Variants in ARL6IP5 observed in about 807,000 individuals in gnomAD.
The protein encoded by ARL6IP5 is ARF like GTPase 6 interacting protein 5.
Under a neutral mutation model 13.0 loss-of-function variants are expected in ARL6IP5, and 6 were observed. The ratio of observed to expected loss-of-function variants is 0.46; its 90% CI spans 0.25 to 0.91. ARL6IP5 has a LOEUF of 0.91. ARL6IP5 is among the 40% of genes least tolerant of loss of function. The probability of loss-of-function intolerance (pLI) is 0.17; values close to 1 mark genes in which losing one functional copy is unlikely to be tolerated. For missense variants in ARL6IP5, 208 were observed against 248.8 expected, an observed-to-expected ratio of 0.84 and a Z score of 1.10; for synonymous variants, 91 against 91.9, an observed-to-expected ratio of 0.99 and a Z score of 0.06.
At chr3:69,103,684 C>G (rs2092313131) in intron 2 of ARL6IP5, among the ~76,000 whole-genome samples, 1 of 152,140 alleles carries the variant, frequency 6.6e-6, no homozygotes, top group African/African-American at 2.4e-5. Flanking sequence ...GGAGCCTTCC[C>G]TCAGTTGTAA....
intron 1 of ARL6IP5, among the ~76,000 whole-genome samples, chr3:69,095,881 G>A (rs2092285339): frequency 1.3e-5 from 2 of 152,200 alleles, no homozygotes. Context: ...TGGGTGGCAT[G>A]TTTATGGAAA....
rs1363520473 is a variant in ARL6IP5, at chr3:69,105,620, A to T, written c.*984A>T. On this transcript the variant is annotated 3_prime_UTR_variant, in exon 3 of 3. Coordinates refer to ENST00000273258, the MANE Select transcript of ARL6IP5 (RefSeq NM_006407.4). ...AAGCAAAAAGACTTTAAAAAATGGTAATGAAAATGGAATGCAGCTACTGCA... is the reference window on the plus strand; with the variant it reads ...AAGCAAAAAGACTTTAAAAAATGGTTATGAAAATGGAATGCAGCTACTGCA... The T allele has an allele frequency of 6.6e-6, 1 of 152,240 alleles. No homozygotes were observed. Among genetic ancestry groups the T allele is most frequent in the Non-Finnish European group, 1.5e-5 (1 of 68,036 alleles). The allele number at this position is 152,240 out of a possible 1,614,324, so 9.4% of individuals were successfully genotyped here.
intron 1 of ARL6IP5, chr3:69,089,692 A>G (rs571404144): frequency 8.8e-4 from 346 of 392,136 alleles, no homozygotes; most frequent in African/African-American, 6.5e-3. Context: ...ATTTTCTGGT[A>G]TGGCCTCAGA....
At chr3:69,089,235 C>T (rs1431647565) in intron 1 of ARL6IP5, among the ~76,000 whole-genome samples, 1 of 152,108 alleles carries the variant, frequency 6.6e-6, no homozygotes, top group Non-Finnish European at 1.5e-5. Context: ...TTGGCAGGGT[C>T]CAGGCATCTG....
chr3:69,086,430 T>C (rs2092247685), intron 1 of ARL6IP5, among the ~76,000 whole-genome samples: 1 of 152,212 alleles, frequency 6.6e-6, no homozygotes, highest in Non-Finnish European at 1.5e-5. Flanking sequence ...TTTCCGAGTA[T>C]GGTTCACAGC....
At chr3:69,089,021 G>A (rs958609577) in intron 1 of ARL6IP5, among the ~76,000 whole-genome samples, 30 of 152,126 alleles carry the variant, frequency 2.0e-4, no homozygotes, top group African/African-American at 7.0e-4. Flanking sequence ...AGCATCTTTC[G>A]CCTGAGAGCT....
intron 1 of ARL6IP5, among the ~76,000 whole-genome samples, chr3:69,086,720 TTC>T (rs1491022610): frequency 2.7e-5 from 4 of 147,944 alleles, no homozygotes; most frequent in Non-Finnish European, 6.0e-5. Context: ...ACTAAAAAAT[TTC>T]TTTTTTTTTT....
At chr3:69,099,137 G>A (rs1369293488) in intron 1 of ARL6IP5, among the ~76,000 whole-genome samples, 4 of 56,486 alleles carry the variant, frequency 7.1e-5, no homozygotes, top group Non-Finnish European at 9.6e-5. Flanking sequence ...GGCGGGGGGG[G>A]TGGGGGGTGG....
At chr3:69,085,363 T>A in intron 1 of ARL6IP5, 140 bp downstream of exon 1, 1 of 1,171,146 alleles carries the variant, frequency 8.5e-7, no homozygotes, top group Non-Finnish European at 1.2e-6. Context: ...GCCAAGCCAG[T>A]GGAAACTTGT....
intron 1 of ARL6IP5, among the ~76,000 whole-genome samples, chr3:69,091,516 C>T (rs1030585920): frequency 2.6e-5 from 4 of 151,882 alleles, no homozygotes; most frequent in Non-Finnish European, 2.9e-5. Context: ...AGGCTGGTTT[C>T]GAACTCCTGG....
Position 69,105,054 on chromosome 3 carries a change from T to A in ARL6IP5, c.*418T>A. Reference sequence around the variant, plus strand: ...GTAGATGACATCATGTGTTAGCCTGTTCCTAATCCCCTAGAATTGTAATGT... The same window carrying A: ...GTAGATGACATCATGTGTTAGCCTGATCCTAATCCCCTAGAATTGTAATGT... On this transcript the variant is annotated 3_prime_UTR_variant, in exon 3 of 3. Transcript: ENST00000273258. 1.7e-6 allele frequency: 1 copy of A among 585,670 alleles called. No homozygotes were observed. The highest frequency in any genetic ancestry group is 3.0e-6 in the Non-Finnish European group (1 of 332,676). The allele number at this position is 585,670 out of a possible 1,614,324, so 36.3% of individuals were successfully genotyped here. A position where few individuals can be genotyped will look rare whatever the true frequency, so the allele number is the denominator to read the frequency against.
At chr3:69,099,018 G>A (rs1431248327) in intron 1 of ARL6IP5, among the ~76,000 whole-genome samples, 3 of 151,388 alleles carry the variant, frequency 2.0e-5, no homozygotes, top group Non-Finnish European at 4.4e-5. Flanking sequence ...TATTTGCAAG[G>A]ATTTTGAATG....
chr3:69,086,910 A>G (rs74768264), intron 1 of ARL6IP5, among the ~76,000 whole-genome samples: 18,429 of 152,014 alleles, frequency 0.12, 1,318 homozygotes, highest in East Asian at 0.27. Context: ...TTTAGTAGAG[A>G]CAAGGTTTCA....
intron 1 of ARL6IP5, among the ~76,000 whole-genome samples, chr3:69,085,642 G>T (rs980416889): frequency 8.5e-5 from 13 of 152,160 alleles, no homozygotes; most frequent in African/African-American, 3.1e-4. Context: ...GCAGGGTGTG[G>T]ACCCGGGCTA....
intron 1 of ARL6IP5, among the ~76,000 whole-genome samples, chr3:69,087,341 A>C (rs2092251631): frequency 6.6e-6 from 1 of 152,214 alleles, no homozygotes; most frequent in South Asian, 2.1e-4. Context: ...ATAAGTAGTA[A>C]ATAGGTTTGC....
At chr3:69,091,482 A>G (rs116431716) in intron 1 of ARL6IP5, among the ~76,000 whole-genome samples, 2,030 of 151,730 alleles carry the variant, frequency 0.013, 44 homozygotes, top group African/African-American at 0.046. Flanking sequence ...TTTTTTGTAG[A>G]GAAGGGTTTT....
At chr3:69,088,039 A>G (rs2092253400) in intron 1 of ARL6IP5, among the ~76,000 whole-genome samples, 1 of 152,180 alleles carries the variant, frequency 6.6e-6, no homozygotes, top group South Asian at 2.1e-4. Context: ...ATAGAACCCA[A>G]TTTTAAAAAA....
At chr3:69,092,111 T>A (rs1189533235) in intron 1 of ARL6IP5, among the ~76,000 whole-genome samples, 1 of 152,152 alleles carries the variant, frequency 6.6e-6, no homozygotes, top group Non-Finnish European at 1.5e-5. Flanking sequence ...TTTCTGAGAA[T>A]GCCTTCAAGC....
Position 69,094,517 on chromosome 3 carries a change from C to T in ARL6IP5, c.177-7322C>T, listed in dbSNP as rs968477098. 4.6e-5 allele frequency among the ~76,000 whole-genome samples: 7 copies of T among 152,178 alleles called. No individual in the cohort carries two copies. In the East Asian group the frequency reaches 7.7e-4, roughly 17 times the overall value. On this transcript the variant is annotated intron_variant, in intron 1 of 2. Coordinates refer to ENST00000273258, the MANE Select transcript of ARL6IP5 (RefSeq NM_006407.4). ...CTGATTAAGGACCACAGAGAAACAT[C>T]GCCAATTTAGAGAAGTCCACCGTGA...
Sources: allele counts gnomAD v4.1 joint callset (sites outside exome capture counted in the v4.1 genomes callset), GRCh38; gene constraint gnomAD v4.1.1; transcripts MANE v1.5; gene names NCBI Gene and HGNC (gene_info 2026-07-23, HGNC 2026-07-21).